GDPD2: variants seen among roughly 807,000 people sequenced by gnomAD.
GDPD2 encodes glycerophosphodiester phosphodiesterase domain containing 2.
A neutral mutation model predicts 49.2 loss-of-function variants in GDPD2; 23 were observed. The observed-to-expected ratio is 0.47, with a 90% confidence interval of 0.34 to 0.66. The LOEUF (loss-of-function observed/expected upper bound fraction) is 0.66, where lower values mean the gene tolerates loss of function less well. Among genes scored for constraint, GDPD2 ranks in the 30% least tolerant of loss-of-function variants. The pLI, the probability that GDPD2 is intolerant of heterozygous loss-of-function variation, is 0.01. For missense variants in GDPD2, 338 were observed against 424.7 expected (o/e 0.80, Z 1.79); for synonymous variants, 167 against 171.4 (o/e 0.97, Z 0.20).
At chrX:70,432,203 C>A in intron 12 of GDPD2, 104 bp from the exon 13 acceptor site, 1 of 656,946 alleles carries the variant, frequency 1.5e-6, no homozygotes, top group South Asian at 2.6e-5. Flanking sequence ...GCTGATACCT[C>A]CTTGGCAGTG....
chrX:70,431,466 A>G (rs1408158854), intron 12 of GDPD2, among the ~76,000 whole-genome samples: 2 of 112,973 alleles, frequency 1.8e-5, no homozygotes, highest in Non-Finnish European at 3.7e-5. Context: ...GCTTTCATTG[A>G]ACAGTATACC....
rs1207886497 is a variant in GDPD2 at position 70,430,032 on chromosome X, C to T, written c.1276C>T (p.Pro426Ser). 3 of 1,208,101 alleles carry T rather than the reference C, an allele frequency of 2.5e-6. No individual in the cohort carries two copies. Among genetic ancestry groups the T allele is most frequent in the Non-Finnish European group, 3.4e-6 (3 of 893,780 alleles). ...GGAGAGGCCCCAGTTTCTTAACCTCCCCTATCAAGATCTGCCACTATTGGA... is the reference window on the plus strand; with the variant it reads ...GGAGAGGCCCCAGTTTCTTAACCTCTCCTATCAAGATCTGCCACTATTGGA... Reference protein sequence around the residue: ...RTERPQFLNLPYQDLPLLDIK... With the variant: ...RTERPQFLNLSYQDLPLLDIK... The change falls in exon 12 of 16, where the codon CCC becomes TCC. Residue 426 changes from proline to serine, a missense_variant. Physicochemically the swap from Pro to Ser is moderately conservative, Grantham distance 74. Coordinates refer to ENST00000374382, the MANE Select transcript of GDPD2 (RefSeq NM_017711.4).
At chrX:70,431,507 C>T (rs1016723845) in intron 12 of GDPD2, among the ~76,000 whole-genome samples, 4 of 112,515 alleles carry the variant, frequency 3.6e-5, no homozygotes, top group South Asian at 3.7e-4. Flanking sequence ...GTAACATTGC[C>T]GAAGGCTAAC....
At chrX:70,425,111 G>T in intron 2 of GDPD2, 22 bp downstream of exon 2, 1 of 1,079,546 alleles carries the variant, frequency 9.3e-7, no homozygotes, top group Non-Finnish European at 1.3e-6. Context: ...ATGGAGGGGG[G>T]AGGCTGGAAG....
chrX:70,430,146 T>C, intron 12 of GDPD2, 83 bp downstream of exon 12: 1 of 864,381 alleles, frequency 1.2e-6, no homozygotes, highest in Non-Finnish European at 1.6e-6. Flanking sequence ...GCAAAGCCTC[T>C]TGATTCATTC....
intron 4 of GDPD2, 26 bp downstream of exon 4, chrX:70,425,882 C>A: frequency 1.0e-6 from 1 of 978,935 alleles, no homozygotes; most frequent in Non-Finnish European, 1.5e-6. Flanking sequence ...GCTGGCCTAA[C>A]CCCACCTCAG....
chrX:70,433,170 A>C lies in GDPD2; in HGVS notation c.*84A>C. The C allele has an allele frequency of 1.3e-6, 1 of 781,042 alleles. No homozygotes were observed. The allele number at this position is 781,042 out of a possible 1,213,427, so 64.4% of individuals were successfully genotyped here. On this transcript the variant is annotated 3_prime_UTR_variant, in exon 16 of 16. Transcript: ENST00000374382. ...GAGAGTGGCTTAAGTGGAATGCTTC[A>C]GGGGTGGTGGGTTGCAAGTGGGGGG...
Position 70,432,959 on chromosome X carries a change from C to T in GDPD2, c.1567+19C>T, listed in dbSNP as rs1218488112. The T allele has an allele frequency of 2.5e-6, 3 of 1,184,071 alleles. No homozygotes were observed. The highest frequency in any genetic ancestry group is 3.5e-5 in the African/African-American group (2 of 57,325). Reference sequence around the variant, plus strand: ...AAAACTGGTAAGAACTTTCTCCCCTCACCTCATGTTTCTCCTCCTGTAGCT... The same window carrying T: ...AAAACTGGTAAGAACTTTCTCCCCTTACCTCATGTTTCTCCTCCTGTAGCT... On this transcript the variant is annotated intron_variant, in intron 15 of 15. Transcript: ENST00000374382.
rs376815902 is a variant in GDPD2, at chrX:70,426,096, G to T, written c.348G>T (p.Leu116=). ...GGCTTTGTAGACAGCCCCTGCATCT[G>T]CACAGCCTCCACAAGGTACAGTAGG... ...LLRLCRQPLH[L]HSLHKVLLLL... Residue 116 remains leucine (L), a synonymous_variant, in exon 5 of 16, where the codon CTG becomes CTT. Transcript: ENST00000374382. The T allele has an allele frequency of 3.3e-6, 4 of 1,201,558 alleles. No homozygotes were observed. The African/African-American group carries it at 5.3e-5, about 16-fold the overall frequency.
chrX:70,429,865 G>A, intron 11 of GDPD2, 50 bp from the exon 12 acceptor site: 2 of 1,193,262 alleles, frequency 1.7e-6, no homozygotes, highest in Non-Finnish European at 1.1e-6. Flanking sequence ...CCCTGCCCTT[G>A]GAATCCCTAG....
At chrX:70,427,269 A>G in intron 9 of GDPD2, 44 bp from the exon 10 acceptor site, 1 of 1,204,834 alleles carries the variant, frequency 8.3e-7, no homozygotes, top group Non-Finnish European at 1.1e-6. Flanking sequence ...GGACATGATG[A>G]CCAGCCCCAG....
At position 70,425,404 on chromosome X, in the gene GDPD2, G is replaced by T; in HGVS notation, c.156G>T (p.Leu52=). Residue 52 remains leucine (L), a synonymous_variant, in exon 3 of 16, where the codon CTG becomes CTT. Transcript: ENST00000374382. ...GLLFLTFLLS[L]SWLYIGLVLL... ...TCTTCCTCACCTTCCTCCTTTCCCTGAGCTGGCTGTACATCGGGCTCGTCC... is the reference window on the plus strand; with the variant it reads ...TCTTCCTCACCTTCCTCCTTTCCCTTAGCTGGCTGTACATCGGGCTCGTCC... The T allele has an allele frequency of 3.3e-6, 4 of 1,205,965 alleles. No homozygotes were observed. The highest frequency in any genetic ancestry group is 4.5e-6 in the Non-Finnish European group (4 of 890,632).
chrX:70,428,354 A>G (rs1037891527), intron 10 of GDPD2, among the ~76,000 whole-genome samples: 1 of 112,365 alleles, frequency 8.9e-6, no homozygotes, highest in Non-Finnish European at 1.9e-5. Context: ...TTCTGAGCAC[A>G]CTTAAGGCAG....
chrX:70,431,075 A>T (rs2086472365), intron 12 of GDPD2: 1 of 1,125,475 alleles, frequency 8.9e-7, no homozygotes, highest in East Asian at 3.3e-5. Context: ...GGCCTGAGCC[A>T]CTGCCCCCCT....
In GDPD2 at chrX:70,425,755, T is replaced by G; in HGVS notation, c.210-8T>G. The G allele has an allele frequency of 9.9e-7, 1 of 1,013,773 alleles. No individual in the cohort carries two copies. The highest frequency in any genetic ancestry group is 1.3e-6 in the Non-Finnish European group (1 of 747,308). The allele number at this position is 1,013,773 out of a possible 1,213,427, so 83.5% of individuals were successfully genotyped here. A position where few individuals can be genotyped will look rare whatever the true frequency, so the allele number is the denominator to read the frequency against. Reference sequence around the variant, plus strand: ...CCCACTTGGACACCTCCCTCTCCCCTCCCACAGATTCCTCTTCCGCCGCTG... The same window carrying G: ...CCCACTTGGACACCTCCCTCTCCCCGCCCACAGATTCCTCTTCCGCCGCTG... On this transcript the variant is annotated splice_region_variant and splice_polypyrimidine_tract_variant and intron_variant, in intron 3 of 15. Transcript: ENST00000374382.
At chrX:70,423,437 C>G (rs2086395435) in intron 1 of GDPD2, 55 bp downstream of exon 1, 1 of 112,084 alleles carries the variant, frequency 8.9e-6, no homozygotes, top group Non-Finnish European at 1.9e-5. Flanking sequence ...GGAGCAGAGA[C>G]CAGCTCCATC....
rs753828264 is a variant in GDPD2 at position 70,429,955 on chromosome X, G to A, written c.1199G>A (p.Arg400Gln). The change falls in exon 12 of 16, where the codon CGA becomes CAA. Residue 400 changes from arginine to glutamine, a missense_variant. By Grantham distance (43) the Arg-to-Gln change is conservative. Transcript: ENST00000374382. ...GATGAAGATCGGGCTAATGTCCAAC[G>A]ACGGGCACCTGGAATGCGCCAGATA... ...LPDEDRANVQ[R>Q]RAPGMRQIYG... 3.3e-6 allele frequency: 4 copies of A among 1,209,056 alleles called. No individual in the cohort carries two copies. The highest frequency in any genetic ancestry group is 1.8e-5 in the South Asian group (1 of 56,794).
intron 8 of GDPD2, 38 bp from the exon 9 acceptor site, chrX:70,427,099 C>T: frequency 8.5e-7 from 1 of 1,176,808 alleles, no homozygotes; most frequent in African/African-American, 1.8e-5. Flanking sequence ...CAGTCTCCCA[C>T]CCTTCCCTGC....
Position 70,426,949 on chromosome X carries a change from A to T in GDPD2, c.640A>T (p.Ile214Phe). The change falls in exon 8 of 16, where the codon ATC becomes TTC. Residue 214 changes from isoleucine to phenylalanine, a missense_variant. Physicochemically the swap from Ile to Phe is conservative, Grantham distance 21. Coordinates refer to ENST00000374382, the MANE Select transcript of GDPD2 (RefSeq NM_017711.4). ...CCCCCTATGCATCTCCTCACCCTGC[A>T]TCATGGAACCCAGAGACTTACCACC... is the stretch of plus-strand genomic sequence containing the variant. The part of the protein sequence containing the change: ...LAPLCISSPC[I>F]MEPRDLPPKP... 8.3e-7 allele frequency: 1 copy of T among 1,210,651 alleles called. No homozygotes were observed. The highest frequency in any genetic ancestry group is 1.8e-5 in the South Asian group (1 of 56,934).
Sources: allele counts gnomAD v4.1 joint callset (sites outside exome capture counted in the v4.1 genomes callset), GRCh38; gene constraint gnomAD v4.1.1; transcripts MANE v1.5; gene names NCBI Gene and HGNC (gene_info 2026-07-23, HGNC 2026-07-21).